The following KALRN variants were observed in gnomAD, a reference collection of about 807,000 sequenced individuals.
KALRN encodes kalirin.
KALRN carries 70 observed loss-of-function variants against 353.7 expected under a neutral mutation model. The observed-to-expected ratio is 0.20, with a 90% CI of 0.16 to 0.24. The LOEUF is 0.24. Among genes scored for constraint, KALRN ranks in the 10% least tolerant of loss-of-function variants. The pLI is 1.00. For missense variants in KALRN, 2,791 were observed against 3,756.7 expected (o/e 0.74, Z 6.72); for synonymous variants, 1,391 against 1,434.8 (o/e 0.97, Z 0.69).
chr3:124,446,717 T>C, intron 20 of KALRN, 46 bp from the exon 21 acceptor site: 4 of 1,612,346 alleles, frequency 2.5e-6, no homozygotes, highest in Non-Finnish European at 3.4e-6. Context: ...GTTTTCCTAC[T>C]GACAGCTGCC....
At chr3:124,530,277 A>G (rs1298716626) in intron 33 of KALRN, among the ~76,000 whole-genome samples, 4 of 152,352 alleles carry the variant, frequency 2.6e-5, no homozygotes, top group Non-Finnish European at 5.9e-5. Flanking sequence ...AACAAAATTC[A>G]TACCATGTAG....
chr3:124,068,012 C>T (rs2042519781), intron 1 of KALRN, among the ~76,000 whole-genome samples: 1 of 152,228 alleles, frequency 6.6e-6, no homozygotes, highest in African/African-American at 2.4e-5. Context: ...GGAGGTCAAA[C>T]CATGGGTCTG....
intron 6 of KALRN, among the ~76,000 whole-genome samples, chr3:124,304,127 A>AACACACAC (rs3055892): frequency 0.075 from 11,126 of 147,394 alleles, 446 homozygotes; most frequent in South Asian, 0.14. Flanking sequence ...TTTTGTTGTA[A>AACACACAC]ACACACACAC....
At chr3:124,085,290 C>T (rs2060752500) in intron 1 of KALRN, among the ~76,000 whole-genome samples, 1 of 152,218 alleles carries the variant, frequency 6.6e-6, no homozygotes, top group Non-Finnish European at 1.5e-5. Context: ...AAGCTCTGGA[C>T]AGTCACTGCC....
intron 3 of KALRN, among the ~76,000 whole-genome samples, chr3:124,251,544 ATT>A (rs1243316486): frequency 6.6e-6 from 1 of 151,552 alleles, no homozygotes; most frequent in Non-Finnish European, 1.5e-5. Flanking sequence ...TACTTTTGGT[ATT>A]TTTTTGTAGA....
At chr3:124,235,013 C>A (rs1310878854) in intron 3 of KALRN, 70 bp downstream of exon 3, 1 of 1,068,362 alleles carries the variant, frequency 9.4e-7, no homozygotes, top group Non-Finnish European at 1.4e-6. Context: ...TTGGAAGGAG[C>A]CTCCATCCCT....
At chr3:124,479,670 A>G (rs2061765788) in intron 27 of KALRN, among the ~76,000 whole-genome samples, 1 of 151,894 alleles carries the variant, frequency 6.6e-6, no homozygotes, top group African/African-American at 2.4e-5. Context: ...AAGAGAACAC[A>G]GAGAATTAAA....
At chr3:124,616,820 C>A (rs776089086) in intron 34 of KALRN, among the ~76,000 whole-genome samples, 1 of 151,910 alleles carries the variant, frequency 6.6e-6, no homozygotes. Flanking sequence ...AAAAAATTAG[C>A]CGGACATGGT....
In KALRN at chr3:124,240,855, G is replaced by A. The variant is rs142017463; in HGVS notation, c.263+5912G>A. On this transcript the variant is annotated intron_variant, in intron 3 of 59. Coordinates refer to ENST00000682506, the MANE Select transcript of KALRN (RefSeq NM_001388419.1). The stretch of plus-strand genomic sequence containing the variant: ...GGAAAATAATGTCTATCTCATAAGG[G>A]TATTGTGAGGAATTATCTAGCAGGC... Among the ~76,000 whole-genome samples the A allele has an allele frequency of 2.6e-3, 403 of 152,228 alleles. 2 individuals are homozygous for A. The highest frequency in any genetic ancestry group is 8.5e-3 in the African/African-American group (351 of 41,528).
chr3:124,602,025 CAAAAAA>C (rs3058058), intron 34 of KALRN, among the ~76,000 whole-genome samples: 2 of 133,182 alleles, frequency 1.5e-5, no homozygotes, highest in African/African-American at 5.4e-5. Context: ...GACTCTGTCT[CAAAAAA>C]AAAAAAAAAA....
intron 1 of KALRN, among the ~76,000 whole-genome samples, chr3:124,169,867 T>A (rs1358158696): frequency 6.6e-6 from 1 of 151,956 alleles, no homozygotes; most frequent in Non-Finnish European, 1.5e-5. Context: ...CTATGGAAAT[T>A]AGGGTAACAG....
chr3:124,174,839 T>C (rs2072432828), intron 1 of KALRN, among the ~76,000 whole-genome samples: 1 of 152,240 alleles, frequency 6.6e-6, no homozygotes, highest in African/African-American at 2.4e-5. Context: ...TCAGCTCTTA[T>C]AATCCTTGGC....
intron 51 of KALRN, among the ~76,000 whole-genome samples, chr3:124,682,640 C>T (rs528372974): frequency 2.6e-5 from 4 of 152,278 alleles, no homozygotes; most frequent in Admixed American, 6.5e-5. Context: ...TTCCTGGGGT[C>T]TTTACTTACA....
At position 124,477,160 on chromosome 3, in the gene KALRN, A is replaced by G. The variant is rs559783180; in HGVS notation, c.4102-85A>G. On this transcript the variant is annotated intron_variant, in intron 26 of 59. Coordinates refer to ENST00000682506, the MANE Select transcript of KALRN (RefSeq NM_001388419.1). ...ACTGGTGTCTGAGGGTCTTAACTGT[A>G]CAGCCCTTGCTGGGTCCTTCAGCAT... 4.4e-5 allele frequency: 41 copies of G among 924,342 alleles called. 1 individual carries two copies. Among genetic ancestry groups the G allele is most frequent in the African/African-American group, 1.9e-4 (12 of 61,930 alleles). The allele number at this position is 924,342 out of a possible 1,614,324, so 57.3% of individuals were successfully genotyped here.
rs1417877544 is a variant in KALRN, at chr3:124,334,668, C to G, written c.1647+173C>G. 6.6e-6 allele frequency among the ~76,000 whole-genome samples: 1 copy of G among 152,202 alleles called. No individual in the cohort carries two copies. The highest frequency in any genetic ancestry group is 1.5e-5 in the Non-Finnish European group (1 of 68,046). On this transcript the variant is annotated intron_variant, in intron 9 of 59. Transcript: ENST00000682506. The surrounding 1 kb of genome is among the most constrained non-coding windows in gnomAD (Gnocchi z 4.2). ...ACCAAAACACAGAACAAAAACTGGACCTGTGAATTGCATATTTCTTGCCTA... is the reference window on the plus strand; with the variant it reads ...ACCAAAACACAGAACAAAAACTGGAGCTGTGAATTGCATATTTCTTGCCTA...
intron 8 of KALRN, among the ~76,000 whole-genome samples, chr3:124,333,929 AC>A (rs1427484496): frequency 6.6e-6 from 1 of 152,216 alleles, no homozygotes; most frequent in Admixed American, 6.5e-5. Flanking sequence ...CCAAATGCCT[AC>A]TGTGTGCCAG....
chr3:124,314,584 T>A (rs1560538851), intron 6 of KALRN, among the ~76,000 whole-genome samples: 1 of 152,162 alleles, frequency 6.6e-6, no homozygotes, highest in Non-Finnish European at 1.5e-5. Context: ...AGGAGCATGG[T>A]GCCAGCATCT....
intron 13 of KALRN, among the ~76,000 whole-genome samples, chr3:124,409,493 G>A (rs1249981022): frequency 3.3e-5 from 5 of 152,180 alleles, no homozygotes; most frequent in South Asian, 2.1e-4. Flanking sequence ...TTACTCTGAA[G>A]GGTGGTCAGG....
chr3:124,653,475 CAAAAT>C (rs2083638495), intron 38 of KALRN, among the ~76,000 whole-genome samples: 1 of 150,942 alleles, frequency 6.6e-6, no homozygotes, highest in South Asian at 2.1e-4. Context: ...AGACAATAAA[CAAAAT>C]AAATTATGTA....
Sources: allele counts gnomAD v4.1 joint callset (sites outside exome capture counted in the v4.1 genomes callset), GRCh38; gene constraint gnomAD v4.1.1; non-coding constraint Gnocchi (gnomAD v3.1); transcripts MANE v1.5; gene names NCBI Gene and HGNC (gene_info 2026-07-23, HGNC 2026-07-21).